Variants in PTPRN2 observed in about 807,000 individuals in gnomAD.
PTPRN2 encodes receptor-type tyrosine-protein phosphatase N2.
Under a neutral mutation model 118.8 loss-of-function variants are expected in PTPRN2, and 74 were observed. The ratio of observed to expected loss-of-function variants is 0.62; its 90% CI spans 0.52 to 0.76. The LOEUF is 0.76. PTPRN2 is among the 30% of genes least tolerant of loss of function. The probability of loss-of-function intolerance (pLI) is 0.00; values close to 1 mark genes in which losing one functional copy is unlikely to be tolerated. For missense variants in PTPRN2, 1,481 were observed against 1,394.4 expected (o/e 1.06, Z -0.99); for synonymous variants, 641 against 608.0 (o/e 1.05, Z -0.80).
chr7:158,520,061 C>A (rs191255971), intron 1 of PTPRN2, among the ~76,000 whole-genome samples: 1 of 152,236 alleles, frequency 6.6e-6, no homozygotes, highest in Admixed American at 6.5e-5. Context: ...TTTTTAAATC[C>A]CAGGGATGTC....
rs1829074317 is a variant in PTPRN2 at position 158,587,799 on chromosome 7, G to T, written c.-130C>A. ...GCGCCTCTCGCGCTCTTGCGGCGAC[G>T]CCGGGCCGAGCTTCAGCACCGGACA... On this transcript the variant is annotated 5_prime_UTR_variant, in exon 1 of 23. Coordinates refer to ENST00000389418, the MANE Select transcript of PTPRN2 (RefSeq NM_002847.5). 2.2e-6 allele frequency: 2 copies of T among 893,688 alleles called. No individual in the cohort carries two copies. Among genetic ancestry groups the T allele is most frequent in the Non-Finnish European group, 2.7e-6 (2 of 745,938 alleles). The allele number at this position is 893,688 out of a possible 1,614,324, so 55.4% of individuals were successfully genotyped here.
intron 11 of PTPRN2, among the ~76,000 whole-genome samples, chr7:157,936,456 G>A (rs1799704796): frequency 6.6e-6 from 1 of 152,160 alleles, no homozygotes; most frequent in Non-Finnish European, 1.5e-5. Flanking sequence ...CACCCCACCT[G>A]TTTCTCTTCC....
At chr7:158,329,884 A>T (rs941268616) in intron 2 of PTPRN2, among the ~76,000 whole-genome samples, 1 of 152,088 alleles carries the variant, frequency 6.6e-6, no homozygotes, top group African/African-American at 2.4e-5. Flanking sequence ...GACTGAGAAA[A>T]TGCGGTCACC....
At chr7:158,341,646 G>A (rs1260293335) in intron 2 of PTPRN2, among the ~76,000 whole-genome samples, 5 of 76,396 alleles carry the variant, frequency 6.5e-5, no homozygotes, top group African/African-American at 3.1e-4. Flanking sequence ...ACATGCAGAC[G>A]TCACTCACAC....
At chr7:158,070,967 CACG>C (rs1811350582) in intron 11 of PTPRN2, among the ~76,000 whole-genome samples, 1 of 37,106 alleles carries the variant, frequency 2.7e-5, no homozygotes. Context: ...TGGAGGTGCT[CACG>C]GTGGAGGTGC....
At chr7:158,120,347 C>A (rs1335611967) in intron 9 of PTPRN2, among the ~76,000 whole-genome samples, 1 of 152,146 alleles carries the variant, frequency 6.6e-6, no homozygotes, top group East Asian at 1.9e-4. Context: ...TTTATGTTAT[C>A]TATATGTTAA....
intron 1 of PTPRN2, among the ~76,000 whole-genome samples, chr7:158,585,064 T>G (rs750182482): frequency 2.6e-5 from 4 of 152,218 alleles, no homozygotes; most frequent in Non-Finnish European, 5.9e-5. Context: ...TTAAGGCCGC[T>G]CTGTGCATCT....
chr7:157,979,330 T>C (rs1268703604), intron 11 of PTPRN2, among the ~76,000 whole-genome samples: 1 of 152,156 alleles, frequency 6.6e-6, no homozygotes, highest in East Asian at 1.9e-4. Context: ...GTTTAGAAAA[T>C]ATTATCCTTT....
chr7:158,252,097 G>A (rs544711808), intron 3 of PTPRN2, among the ~76,000 whole-genome samples: 28 of 152,218 alleles, frequency 1.8e-4, no homozygotes, highest in African/African-American at 5.1e-4. Flanking sequence ...TCCATCCTTC[G>A]CCTAAGCAGC....
intron 3 of PTPRN2, among the ~76,000 whole-genome samples, chr7:158,206,268 G>C (rs1827134844): frequency 6.6e-6 from 1 of 152,174 alleles, no homozygotes. Context: ...ACTGGGCAGA[G>C]TCATGAGGCC....
chr7:158,427,220 T>A (rs1198672929), intron 2 of PTPRN2, among the ~76,000 whole-genome samples: 8 of 862 alleles, frequency 9.3e-3, no homozygotes, highest in Non-Finnish European at 8.5e-3. Flanking sequence ...AGAGTCCGAG[T>A]CCAGCCTAGC....
At chr7:157,649,587 G>T (rs778466174) in intron 14 of PTPRN2, among the ~76,000 whole-genome samples, 1,553 of 71,572 alleles carry the variant, frequency 0.022, 7 homozygotes, top group Admixed American at 0.032. Flanking sequence ...CGGTGGGTCG[G>T]ACCCATTCAC....
rs1032272135 is a variant in PTPRN2, at chr7:157,610,513, G to A, written c.2345-6438C>T. On this transcript the variant is annotated intron_variant, in intron 15 of 22. Transcript: ENST00000389418. The surrounding 1 kb of genome is among the most constrained non-coding windows in gnomAD (Gnocchi z 5.1). ...TTGGCACCAGCACCCACAAGCTCCTGCTCCGAGTTTATGGTGTCCATCGAG... is the reference window on the plus strand; with the variant it reads ...TTGGCACCAGCACCCACAAGCTCCTACTCCGAGTTTATGGTGTCCATCGAG... Among the ~76,000 whole-genome samples the A allele has an allele frequency of 6.6e-6, 1 of 152,214 alleles. No individual in the cohort carries two copies. The highest frequency in any genetic ancestry group is 1.5e-5 in the Non-Finnish European group (1 of 68,042).
chr7:158,269,271 A>T (rs1798135758), intron 3 of PTPRN2, among the ~76,000 whole-genome samples: 1 of 152,026 alleles, frequency 6.6e-6, no homozygotes, highest in Admixed American at 6.5e-5. Context: ...GAACAAGGAG[A>T]CGGCCCTCAC....
rs1246003999 is a variant in PTPRN2 at position 158,130,821 on chromosome 7, TACAC to T, written c.1556+2852_1556+2855del. On this transcript the variant is annotated intron_variant, in intron 9 of 22. Coordinates refer to ENST00000389418, the MANE Select transcript of PTPRN2 (RefSeq NM_002847.5). ...TACTCATCTACCCAACACACACACA[TACAC>T]ACACGTACATACACACACATCTACC... Among the ~76,000 whole-genome samples the T allele has an allele frequency of 9.6e-5, 12 of 125,162 alleles. No homozygotes were observed. The South Asian group carries it at 2.4e-3, about 25-fold the overall frequency. The allele number at this position is 125,162 out of a possible 152,430, so 82.1% of individuals were successfully genotyped here.
intron 11 of PTPRN2, among the ~76,000 whole-genome samples, chr7:157,972,587 A>C (rs13242666): frequency 1.2e-4 from 2 of 16,446 alleles, no homozygotes; most frequent in Non-Finnish European, 2.3e-4. Flanking sequence ...AGACCACGGG[A>C]ACTCCACACC....
chr7:158,539,469 C>T (rs927431972), intron 1 of PTPRN2: 5 of 152,558 alleles, frequency 3.3e-5, no homozygotes, highest in Admixed American at 2.6e-4. Context: ...TGGCCCAGCA[C>T]CGGACTCCTG....
chr7:158,447,090 G>C (rs952941607), intron 2 of PTPRN2, among the ~76,000 whole-genome samples: 1 of 152,184 alleles, frequency 6.6e-6, no homozygotes, highest in Non-Finnish European at 1.5e-5. Flanking sequence ...GCCTCTGATT[G>C]TCAAACAGAT....
At chr7:158,371,358 T>C (rs1481392338) in intron 2 of PTPRN2, among the ~76,000 whole-genome samples, 1 of 152,148 alleles carries the variant, frequency 6.6e-6, no homozygotes, top group Non-Finnish European at 1.5e-5. Context: ...AAGATTAATT[T>C]CACTTCATGA....
Sources: allele counts gnomAD v4.1 joint callset (sites outside exome capture counted in the v4.1 genomes callset), GRCh38; gene constraint gnomAD v4.1.1; non-coding constraint Gnocchi (gnomAD v3.1); transcripts MANE v1.5; gene names NCBI Gene and HGNC (gene_info 2026-07-23, HGNC 2026-07-21).